Variants in ALG9 observed in about 807,000 individuals in gnomAD.
ALG9 encodes alpha-1,2-mannosyltransferase ALG9.
ALG9 carries 55 observed loss-of-function variants against 81.8 expected under a neutral mutation model. The observed-to-expected ratio is 0.67, with a 90% CI of 0.54 to 0.84. The LOEUF is 0.84. Ranked by LOEUF, ALG9 falls within the 40% of genes least tolerant of loss-of-function variation. The probability of loss-of-function intolerance (pLI) is 0.00; values close to 1 mark genes in which losing one functional copy is unlikely to be tolerated. For synonymous variants in ALG9, 278 were observed against 274.3 expected (o/e 1.01, Z -0.13); for missense variants, 629 against 745.0 (o/e 0.84, Z 1.81).
At chr11:111,822,730 CA>C (rs1206787466) in intron 13 of ALG9, among the ~76,000 whole-genome samples, 2 of 149,646 alleles carry the variant, frequency 1.3e-5, no homozygotes, top group East Asian at 3.9e-4. Flanking sequence ...AATAAACAAA[CA>C]AAAAAAACAG....
At chr11:111,840,270 A>C (rs1325028390) in intron 10 of ALG9, among the ~76,000 whole-genome samples, 1 of 152,226 alleles carries the variant, frequency 6.6e-6, no homozygotes, top group African/African-American at 2.4e-5. Flanking sequence ...GCAGGTTTTC[A>C]ACCAGGATTA....
In ALG9 at chr11:111,862,246, T is replaced by C. The variant is rs569164600; in HGVS notation, c.477-1611A>G. 1.3e-3 allele frequency among the ~76,000 whole-genome samples: 202 copies of C among 150,782 alleles called. 1 individual carries two copies. The highest frequency in any genetic ancestry group is 4.6e-3 in the African/African-American group (187 of 41,084). On this transcript the variant is annotated intron_variant, in intron 4 of 14. Coordinates refer to ENST00000616540, the MANE Select transcript of ALG9 (RefSeq NM_024740.2). ...TACATGTTTCTTTTTTTTCTTTTTT[T>C]TTTTTTTTTTAGAGAGAGTCTCACT... is the stretch of plus-strand genomic sequence containing the variant.
At chr11:111,770,646 C>A in the ALG9 span, among the ~76,000 whole-genome samples, 1 of 152,122 alleles carries the variant, frequency 6.6e-6, no homozygotes. Context: ...CTACAGTGAG[C>A]TATGATCACA....
Position 111,803,503 on chromosome 11 carries a change from GAA to G in ALG9, c.1733+6138_1733+6139del, listed in dbSNP as rs57411573. Among the ~76,000 whole-genome samples the G allele has an allele frequency of 4.7e-3, 620 of 133,316 alleles. 4 individuals carry two copies. The highest frequency in any genetic ancestry group is 0.011 in the African/African-American group (400 of 35,722). 87.5% of individuals were successfully genotyped at this position (133,316 alleles called of 152,430 possible). ...GTGACAGAGTAAGACTCCATCTCAG[GAA>G]AAAAAAAAAAAAAAGAACAAAGTTG... On this transcript the variant is annotated intron_variant, in intron 14 of 14. Transcript: ENST00000616540.
intron 8 of ALG9, among the ~76,000 whole-genome samples, chr11:111,851,069 T>G (rs1555137616): frequency 1.3e-5 from 2 of 152,222 alleles, no homozygotes; most frequent in Admixed American, 1.3e-4. Flanking sequence ...CTACTGGATC[T>G]CAAAACCTAC....
downstream of ALG9, among the ~76,000 whole-genome samples, chr11:111,779,657 C>A (rs1945821284): frequency 1.3e-5 from 2 of 151,920 alleles, no homozygotes; most frequent in South Asian, 4.2e-4. Context: ...AGCCAACTTA[C>A]ATACTTTCAT....
chr11:111,847,757 C>A (rs187509881), intron 8 of ALG9, among the ~76,000 whole-genome samples: 8 of 152,222 alleles, frequency 5.3e-5, no homozygotes, highest in Non-Finnish European at 1.2e-4. Flanking sequence ...CCAAACACTC[C>A]TTCTTTCTTC....
At chr11:111,772,183 T>A in the ALG9 span, among the ~76,000 whole-genome samples, 1 of 152,222 alleles carries the variant, frequency 6.6e-6, no homozygotes, top group East Asian at 1.9e-4. Context: ...CCCAGCACTT[T>A]GGGAAGTCCA....
In ALG9 at chr11:111,837,503, C is replaced by A; in HGVS notation, c.1437G>T (p.Trp479Cys). The change falls in exon 12 of 15, where the codon TGG becomes TGT. Residue 479 changes from tryptophan to cysteine, a missense_variant. By Grantham distance (215) the Trp-to-Cys change is radical. Around this residue, in one of 3 missense-constraint regions of ALG9, gnomAD observed 264 missense variants for 302.2 expected, o/e 0.87. Coordinates refer to ENST00000616540, the MANE Select transcript of ALG9 (RefSeq NM_024740.2). ...GAAGGAAGCTGCTGGGAAATCGATA[C>A]CACTCTTTTCCCACACAGACATTCA... ...RPVNVCVGKE[W>C]YRFPSSFLLP... is the part of the protein sequence containing the mutation. 6.2e-7 allele frequency: 1 copy of A among 1,614,142 alleles called. No individual in the cohort carries two copies. Among genetic ancestry groups the A allele is most frequent in the Non-Finnish European group, 8.5e-7 (1 of 1,180,004 alleles).
In ALG9 at chr11:111,857,035, A is replaced by C. The variant is rs560493801; in HGVS notation, c.701+567T>G. 5.2e-3 allele frequency among the ~76,000 whole-genome samples: 794 copies of C among 152,346 alleles called. 6 individuals are homozygous for C. Among genetic ancestry groups the C allele is most frequent in the African/African-American group, 0.018 (745 of 41,570 alleles). ...GGCAGGAGAATCACTTGAACCCAGG[A>C]GGCGGAGGTTGTGATAAGCCAACAT... On this transcript the variant is annotated intron_variant, in intron 6 of 14. Coordinates refer to ENST00000616540, the MANE Select transcript of ALG9 (RefSeq NM_024740.2).
intron 14 of ALG9, among the ~76,000 whole-genome samples, chr11:111,786,954 CT>C (rs1368452103): frequency 6.6e-6 from 1 of 152,194 alleles, no homozygotes; most frequent in Non-Finnish European, 1.5e-5. Flanking sequence ...AAACTACATC[CT>C]GGGTACCTGT....
rs1237235767 is a variant in ALG9 at position 111,863,361 on chromosome 11, T to A, written c.476+1820A>T. ...TGACAGTCTCAAAAATAAAATAAAATAAATAAAATATATTAAAGTAAATTC... is the reference window on the plus strand; with the variant it reads ...TGACAGTCTCAAAAATAAAATAAAAAAAATAAAATATATTAAAGTAAATTC... On this transcript the variant is annotated intron_variant, in intron 4 of 14. Coordinates refer to ENST00000616540, the MANE Select transcript of ALG9 (RefSeq NM_024740.2). Among the ~76,000 whole-genome samples the A allele has an allele frequency of 2.0e-5, 3 of 151,940 alleles. 1 individual carries two copies. Among genetic ancestry groups the A allele is most frequent in the South Asian group, 4.1e-4 (2 of 4,820 alleles).
chr11:111,847,005 G>A (rs1354799198), intron 8 of ALG9, among the ~76,000 whole-genome samples: 2 of 152,048 alleles, frequency 1.3e-5, no homozygotes, highest in East Asian at 3.9e-4. Flanking sequence ...AATCAAATGA[G>A]CTAAGGGAAG....
At chr11:111,795,672 T>A (rs1948165690) in intron 14 of ALG9, among the ~76,000 whole-genome samples, 1 of 152,250 alleles carries the variant, frequency 6.6e-6, no homozygotes, top group Admixed American at 6.5e-5. Context: ...CTAGGAAGTT[T>A]ACTGAGGCAC....
intron 10 of ALG9, among the ~76,000 whole-genome samples, chr11:111,840,038 C>T (rs560156364): frequency 1.3e-5 from 2 of 152,214 alleles, no homozygotes; most frequent in African/African-American, 4.8e-5. Context: ...TGTGAATAGA[C>T]TAAAAACCAC....
chr11:111,804,815 G>C (rs370037728), intron 14 of ALG9, among the ~76,000 whole-genome samples: 51 of 152,352 alleles, frequency 3.3e-4, no homozygotes, highest in African/African-American at 1.2e-3. Context: ...CCAAATGGCT[G>C]CAAGGATGTG....
chr11:111,836,362 A>T (rs1955279107), intron 12 of ALG9, 68 bp from the exon 13 acceptor site: 14 of 1,589,582 alleles, frequency 8.8e-6, no homozygotes, highest in Middle Eastern at 3.3e-4. Context: ...CTTGAAACAA[A>T]CAAGCCAGGA....
chr11:111,786,279 C>T lies in ALG9; in HGVS notation c.*118G>A. 1 of 1,495,416 alleles carries T rather than the reference C, an allele frequency of 6.7e-7. No individual in the cohort carries two copies. The highest frequency in any genetic ancestry group is 9.3e-7 in the Non-Finnish European group (1 of 1,076,056). The allele number at this position is 1,495,416 out of a possible 1,614,324, so 92.6% of individuals were successfully genotyped here. Reference sequence around the variant, plus strand: ...TGACTAGCCCAGAGCACCCAGATTCCAGTATTCATGTCAGAAGACCTTTAT... The same window carrying T: ...TGACTAGCCCAGAGCACCCAGATTCTAGTATTCATGTCAGAAGACCTTTAT... On this transcript the variant is annotated 3_prime_UTR_variant, in exon 15 of 15. Coordinates refer to ENST00000616540, the MANE Select transcript of ALG9 (RefSeq NM_024740.2).
At chr11:111,838,788 A>G (rs1955746497) in intron 10 of ALG9, among the ~76,000 whole-genome samples, 1 of 152,182 alleles carries the variant, frequency 6.6e-6, no homozygotes, top group South Asian at 2.1e-4. Context: ...AGCTATTAGT[A>G]TCAAAAAAAG....
Sources: allele counts gnomAD v4.1 joint callset (sites outside exome capture counted in the v4.1 genomes callset), GRCh38; gene constraint gnomAD v4.1.1; regional missense constraint gnomAD v4.1.1; transcripts MANE v1.5; gene names NCBI Gene and HGNC (gene_info 2026-07-23, HGNC 2026-07-21).